Variants in SFXN3 observed in about 807,000 individuals in gnomAD.
The protein encoded by SFXN3 is sideroflexin 3, also known as sideroflexin-3.
SFXN3 carries 31 observed loss-of-function variants against 40.4 expected under a neutral mutation model. The ratio of observed to expected loss-of-function variants is 0.77; its 90% CI spans 0.58 to 1.04. The LOEUF (loss-of-function observed/expected upper bound fraction) is 1.04. Ranked by LOEUF, SFXN3 falls within the 50% of genes least tolerant of loss-of-function variation. The pLI, the probability that SFXN3 is intolerant of heterozygous loss-of-function variation, is 0.00. For synonymous variants in SFXN3, 157 were observed against 160.0 expected, an observed-to-expected ratio of 0.98 and a Z score of 0.14; for missense variants, 366 against 408.2, an observed-to-expected ratio of 0.90 and a Z score of 0.89.
At chr10:101,038,236 G>A in intron 9 of SFXN3, 9 of 1,107,064 alleles carry the variant, frequency 8.1e-6, no homozygotes, top group Non-Finnish European at 1.0e-5. Flanking sequence ...CCTGTGGCCA[G>A]AGCAAATTGA....
In SFXN3 at chr10:101,036,128, G is replaced by A; in HGVS notation, c.431+27G>A. On this transcript the variant is annotated intron_variant, in intron 5 of 11. Coordinates refer to ENST00000393459, the Ensembl canonical transcript of SFXN3. The surrounding 1 kb of genome is among the most constrained non-coding windows in gnomAD (Gnocchi z 4.2). ...TGAGAGCCAGCCCCCAGCAGCAGCT[G>A]CACTGTCCCATCTGACCCTCTCCTC... is the stretch of plus-strand genomic sequence containing the variant. 6.4e-7 allele frequency: 1 copy of A among 1,573,696 alleles called. No individual in the cohort carries two copies. Among genetic ancestry groups the A allele is most frequent in the Non-Finnish European group, 8.7e-7 (1 of 1,144,240 alleles).
chr10:101,038,806 G>C, intron 10 of SFXN3, 114 bp downstream of exon 10: 1 of 1,510,334 alleles, frequency 6.6e-7, no homozygotes. Flanking sequence ...CATACATTCA[G>C]TGGGTGTGTG....
intron 8 of SFXN3, 89 bp downstream of exon 8, chr10:101,037,292 G>A: frequency 1.2e-6 from 2 of 1,613,770 alleles, no homozygotes; most frequent in East Asian, 2.2e-5. Flanking sequence ...TGGGGAGAGA[G>A]GGAGGAGCTT....
At chr10:101,037,753 C>T in intron 9 of SFXN3, 1 of 1,292,912 alleles carries the variant, frequency 7.7e-7, no homozygotes, top group Non-Finnish European at 9.9e-7. Context: ...TGCCTCCATA[C>T]TGAGAGGTAC....
chr10:101,038,291 T>C (rs1357402760), intron 9 of SFXN3: 2 of 1,219,850 alleles, frequency 1.6e-6, no homozygotes, highest in Non-Finnish European at 1.0e-6. Context: ...GTCAGATTCA[T>C]GCCACTGGGA....
At chr10:101,038,396 T>C (rs1938722351) in intron 9 of SFXN3, 7 of 1,405,638 alleles carry the variant, frequency 5.0e-6, no homozygotes, top group South Asian at 3.2e-5. Flanking sequence ...GGGAGTGCCA[T>C]GGCAACCAAT....
intron 9 of SFXN3, chr10:101,038,227 CTG>C: frequency 9.2e-7 from 1 of 1,092,504 alleles, no homozygotes; most frequent in Non-Finnish European, 1.1e-6. Flanking sequence ...TTGGTGGTCC[CTG>C]TGGCCAGAGC....
chr10:101,039,041 T>C lies in SFXN3; in HGVS notation c.822-134T>C. On this transcript the variant is annotated intron_variant, in intron 10 of 11. Transcript: ENST00000393459. The surrounding 1 kb of genome is among the most constrained non-coding windows in gnomAD (Gnocchi z 4.6). ...AACCTGATGTCCAGGTTGGGTTTACTATTCCTAAAAGGTCCTTTCAGCTTT... is the reference window on the plus strand; with the variant it reads ...AACCTGATGTCCAGGTTGGGTTTACCATTCCTAAAAGGTCCTTTCAGCTTT... 1 of 770,428 alleles carries C rather than the reference T, an allele frequency of 1.3e-6. No individual in the cohort carries two copies. The highest frequency in any genetic ancestry group is 2.2e-6 in the Non-Finnish European group (1 of 463,484). The allele number at this position is 770,428 out of a possible 1,614,324, so 47.7% of individuals were successfully genotyped here.
Position 101,036,368 on chromosome 10 carries a change from TC to T in SFXN3, c.432-117del, listed in dbSNP as rs1938603055. 1 of 997,302 alleles carries T rather than the reference TC, an allele frequency of 1.0e-6. No homozygotes were observed. Among genetic ancestry groups the T allele is most frequent in the African/African-American group, 1.6e-5 (1 of 61,940 alleles). 61.8% of individuals were successfully genotyped at this position (997,302 alleles called of 1,614,324 possible). A position where few individuals can be genotyped will look rare whatever the true frequency, so the allele number is the denominator to read the frequency against. On this transcript the variant is annotated intron_variant, in intron 5 of 11. Coordinates refer to ENST00000393459, the Ensembl canonical transcript of SFXN3. This position sits in a 1 kb window ranked among gnomAD's most constrained non-coding sequence, Gnocchi z 4.2. ...CGCCGGAGATGGAGGGAAGGCTTCT[TC>T]TGCAAGGAGCTTCCCCTTTTATGCC...
At position 101,034,811 on chromosome 10, in the gene SFXN3, C is replaced by T. The variant is rs1475026486; in HGVS notation, c.117C>T (p.Ser39=). Reference sequence around the variant, plus strand: ...CTGATCCTCGAAATCTGCTGCTGTCCGGGGCACAGCTGGAAGCTTCTCGGA... The same window carrying T: ...CTGATCCTCGAAATCTGCTGCTGTCTGGGGCACAGCTGGAAGCTTCTCGGA... Residue 39 remains serine (S), a synonymous_variant, in exon 3 of 12, where the codon TCC becomes TCT. Transcript: ENST00000393459. 8 of 1,614,022 alleles carry T rather than the reference C, an allele frequency of 5.0e-6. No individual in the cohort carries two copies. The African/African-American group carries it at 5.3e-5, about 11-fold the overall frequency.
intron 9 of SFXN3, 113 bp downstream of exon 9, chr10:101,037,544 C>T: frequency 6.2e-7 from 1 of 1,604,252 alleles, no homozygotes; most frequent in South Asian, 1.1e-5. Flanking sequence ...AGCCCTTCTC[C>T]TGACCCCTGC....
At chr10:101,032,760 G>T (rs532892990) in intron 2 of SFXN3, among the ~76,000 whole-genome samples, 2 of 152,218 alleles carry the variant, frequency 1.3e-5, no homozygotes, top group Non-Finnish European at 2.9e-5. Flanking sequence ...TCTGGGCAGG[G>T]TGTGCATGAT....
At position 101,039,628 on chromosome 10, in the gene SFXN3, T is replaced by A; in HGVS notation, c.*43T>A. 1 of 1,577,462 alleles carries A rather than the reference T, an allele frequency of 6.3e-7. No homozygotes were observed. The highest frequency in any genetic ancestry group is 8.7e-7 in the Non-Finnish European group (1 of 1,146,666). On this transcript the variant is annotated 3_prime_UTR_variant, in exon 12 of 12. Transcript: ENST00000393459. The surrounding 1 kb of genome is among the most constrained non-coding windows in gnomAD (Gnocchi z 4.6). ...CCCCTCCCTCACTTCCTTGGGCTGC[T>A]GCTTTAGTGGAGTCATGTCACCCCT... is the stretch of plus-strand genomic sequence containing the variant.
chr10:101,031,710 G>C (rs1450710140), intron 1 of SFXN3, among the ~76,000 whole-genome samples, 176 bp downstream of exon 1: 1 of 152,164 alleles, frequency 6.6e-6, no homozygotes, highest in African/African-American at 2.4e-5. Flanking sequence ...GATGCAGACC[G>C]CGAGGTTCCT....
At chr10:101,037,891 G>C in intron 9 of SFXN3, 1 of 1,026,260 alleles carries the variant, frequency 9.7e-7, no homozygotes, top group Non-Finnish European at 1.2e-6. Flanking sequence ...GCATGTTTTA[G>C]GGCTGAGGAG....
chr10:101,037,236 G>A, intron 8 of SFXN3, 33 bp downstream of exon 8: 1 of 1,613,426 alleles, frequency 6.2e-7, no homozygotes, highest in Non-Finnish European at 8.5e-7. Context: ...GGGCATAGGA[G>A]ACTCTGAGAG....
chr10:101,037,097 G>C, exon 8 of SFXN3: 2 of 1,613,938 alleles, frequency 1.2e-6, no homozygotes, highest in Non-Finnish European at 1.7e-6. Flanking sequence ...TGGGCATCCC[G>C]GTGGCTGATG....
At chr10:101,032,719 G>A (rs1938353528) in intron 2 of SFXN3, among the ~76,000 whole-genome samples, 1 of 152,192 alleles carries the variant, frequency 6.6e-6, no homozygotes. Flanking sequence ...GAAGGCCGGT[G>A]TATACAGGAC....
rs534300441 is a variant in SFXN3 at position 101,034,125 on chromosome 10, C to T, written c.-3-567C>T. ...GCACAGACCCTTTATGGGTGTCAAG[C>T]TGGGGGACGGTCAGGTCTTTCTCAT... On this transcript the variant is annotated intron_variant, in intron 2 of 11. Coordinates refer to ENST00000393459, the Ensembl canonical transcript of SFXN3. 5.9e-5 allele frequency among the ~76,000 whole-genome samples: 9 copies of T among 152,190 alleles called. No individual in the cohort carries two copies. The South Asian group carries it at 1.5e-3, about 25-fold the overall frequency.
Sources: allele counts gnomAD v4.1 joint callset (sites outside exome capture counted in the v4.1 genomes callset), GRCh38; gene constraint gnomAD v4.1.1; non-coding constraint Gnocchi (gnomAD v3.1); transcripts MANE v1.5; gene names NCBI Gene and HGNC (gene_info 2026-07-23, HGNC 2026-07-21).